The following SCHIP1 variants were observed in gnomAD, a reference collection of about 807,000 sequenced individuals.
The protein encoded by SCHIP1 is schwannomin interacting protein 1.
In SCHIP1, 8 loss-of-function variants were observed where a neutral mutation model predicts 29.7. The observed-to-expected ratio is 0.27, with a 90% confidence interval of 0.16 to 0.49. SCHIP1 has a LOEUF of 0.49. Among genes scored for constraint, SCHIP1 ranks in the 20% least tolerant of loss-of-function variants. SCHIP1 has a pLI of 0.99. For missense variants in SCHIP1, 193 were observed against 294.6 expected (o/e 0.66, Z 2.52); for synonymous variants, 76 against 94.9 (o/e 0.80, Z 1.16).
the SCHIP1 span, among the ~76,000 whole-genome samples, chr3:159,719,799 G>A: frequency 1.2e-3 from 187 of 152,336 alleles, no homozygotes; most frequent in African/African-American, 4.4e-3. Context: ...CTGTAAACTA[G>A]TTCAACCATT....
At chr3:159,279,695 A>G in the SCHIP1 span, among the ~76,000 whole-genome samples, 1 of 152,066 alleles carries the variant, frequency 6.6e-6, no homozygotes, top group African/African-American at 2.4e-5. Flanking sequence ...TCAGGTTGCA[A>G]ACTATAGAAC....
the SCHIP1 span, among the ~76,000 whole-genome samples, chr3:159,614,640 T>C: frequency 6.6e-6 from 1 of 152,204 alleles, no homozygotes; most frequent in African/African-American, 2.4e-5. Context: ...TCAATTCTGG[T>C]AAGACTGTGA....
At chr3:159,467,550 A>G in the SCHIP1 span, among the ~76,000 whole-genome samples, 1 of 152,070 alleles carries the variant, frequency 6.6e-6, no homozygotes, top group Non-Finnish European at 1.5e-5. Context: ...AATAAATAAA[A>G]CAGCCAGTCT....
the SCHIP1 span, among the ~76,000 whole-genome samples, chr3:159,310,323 C>T: frequency 2.8e-4 from 42 of 152,130 alleles, no homozygotes; most frequent in Non-Finnish European, 5.3e-4. Context: ...AGTAATGCAT[C>T]CCTTACTTCT....
chr3:159,626,248 CTATA>C, the SCHIP1 span, among the ~76,000 whole-genome samples: 293 of 65,080 alleles, frequency 4.5e-3, 7 homozygotes, highest in Admixed American at 8.5e-3. Context: ...ATCTATCTAT[CTATA>C]TAGATAGATA....
At chr3:159,435,599 G>A in the SCHIP1 span, among the ~76,000 whole-genome samples, 1 of 152,122 alleles carries the variant, frequency 6.6e-6, no homozygotes, top group Non-Finnish European at 1.5e-5. Flanking sequence ...TGCCTTTGGC[G>A]CCTCACAATT....
the SCHIP1 span, among the ~76,000 whole-genome samples, chr3:159,816,150 T>C: frequency 6.6e-6 from 1 of 152,136 alleles, no homozygotes; most frequent in African/African-American, 2.4e-5. Context: ...GATTTCATCA[T>C]GTCGGCCAGG....
intron 5 of SCHIP1, among the ~76,000 whole-genome samples, chr3:159,889,879 G>A (rs866123937): frequency 2.6e-5 from 4 of 152,080 alleles, no homozygotes; most frequent in African/African-American, 9.7e-5. Context: ...GGCAGATCAC[G>A]AGGTCAGGAG....
the SCHIP1 span, among the ~76,000 whole-genome samples, chr3:159,377,890 G>C: frequency 6.6e-6 from 1 of 152,120 alleles, no homozygotes; most frequent in Admixed American, 6.5e-5. Flanking sequence ...TCCAGACTCA[G>C]GAAGATGGAC....
the SCHIP1 span, among the ~76,000 whole-genome samples, chr3:159,732,105 C>A: frequency 7.2e-5 from 11 of 152,226 alleles, no homozygotes; most frequent in Non-Finnish European, 1.2e-4. Context: ...CTTGGCCTCC[C>A]AAAGTGCTGG....
the SCHIP1 span, among the ~76,000 whole-genome samples, chr3:159,318,535 G>C: frequency 3.9e-5 from 6 of 152,196 alleles, no homozygotes; most frequent in South Asian, 8.3e-4. Context: ...TGCTGCAGCT[G>C]TCCACTTTTG....
chr3:159,650,381 A>G, the SCHIP1 span, among the ~76,000 whole-genome samples: 1 of 152,204 alleles, frequency 6.6e-6, no homozygotes. Flanking sequence ...ATCAAAAACT[A>G]CAAAATAAAA....
At chr3:159,507,750 T>C in the SCHIP1 span, among the ~76,000 whole-genome samples, 1 of 152,236 alleles carries the variant, frequency 6.6e-6, no homozygotes, top group African/African-American at 2.4e-5. Flanking sequence ...ATTGGTTCTG[T>C]TTATATGCTG....
intron 6 of SCHIP1, among the ~76,000 whole-genome samples, chr3:159,894,993 T>C (rs1266078676): frequency 6.6e-6 from 1 of 152,196 alleles, no homozygotes; most frequent in African/African-American, 2.4e-5. Context: ...TGCATGAGCA[T>C]GTACATAGTA....
chr3:159,483,311 T>C, the SCHIP1 span, among the ~76,000 whole-genome samples: 1 of 152,156 alleles, frequency 6.6e-6, no homozygotes, highest in African/African-American at 2.4e-5. Flanking sequence ...CAGAATTTTA[T>C]TTAATCCACA....
chr3:159,822,100 G>A, the SCHIP1 span, among the ~76,000 whole-genome samples: 1 of 152,174 alleles, frequency 6.6e-6, no homozygotes, highest in Admixed American at 6.5e-5. Flanking sequence ...TGTTGACTGT[G>A]GGTAACTGAA....
chr3:159,606,087 T>G, the SCHIP1 span, among the ~76,000 whole-genome samples: 1 of 152,188 alleles, frequency 6.6e-6, no homozygotes, highest in Non-Finnish European at 1.5e-5. Flanking sequence ...GTTCATAAAA[T>G]ACTGCAGAAT....
the SCHIP1 span, among the ~76,000 whole-genome samples, chr3:159,395,787 G>A: frequency 6.6e-6 from 1 of 151,604 alleles, no homozygotes; most frequent in Non-Finnish European, 1.5e-5. Context: ...TGAAAAAAAT[G>A]TATATTCTGT....
chr3:159,449,729 A>G, the SCHIP1 span, among the ~76,000 whole-genome samples: 88 of 152,296 alleles, frequency 5.8e-4, no homozygotes, highest in African/African-American at 2.0e-3. Flanking sequence ...ATTTGCCCGA[A>G]TTCCATTTAG....
Sources: gnomAD v4.1 joint callset for allele counts (sites outside exome capture counted in the v4.1 genomes callset) on GRCh38, gnomAD v4.1.1 for gene constraint, MANE v1.5 for transcripts, NCBI Gene and HGNC (gene_info 2026-07-23, HGNC 2026-07-21) for gene names.